AK5: variants seen among roughly 807,000 people sequenced by gnomAD.
AK5 encodes adenylate kinase 5.
In AK5, 27 loss-of-function variants were observed where a neutral mutation model predicts 69.5. The ratio of observed to expected loss-of-function variants is 0.39; its 90% CI spans 0.29 to 0.54. The LOEUF is 0.54. Among genes scored for constraint, AK5 ranks in the 20% least tolerant of loss-of-function variants. The pLI is 0.71. For synonymous variants in AK5, 260 were observed against 244.4 expected (o/e 1.06, Z -0.60); for missense variants, 531 against 700.4 (o/e 0.76, Z 2.73).
At chr1:77,333,238 CT>C (rs1661180680) in intron 5 of AK5, among the ~76,000 whole-genome samples, 2 of 152,310 alleles carry the variant, frequency 1.3e-5, no homozygotes, top group African/African-American at 4.8e-5. Flanking sequence ...CTCATAACCT[CT>C]GAGTCCACCT....
At chr1:77,441,159 G>T (rs1004420186) in intron 8 of AK5, among the ~76,000 whole-genome samples, 1 of 152,072 alleles carries the variant, frequency 6.6e-6, no homozygotes, top group African/African-American at 2.4e-5. Context: ...TTTTTTAAAT[G>T]ATATCTCTGT....
intron 10 of AK5, among the ~76,000 whole-genome samples, chr1:77,492,516 G>A (rs1348405215): frequency 6.6e-6 from 1 of 152,180 alleles, no homozygotes; most frequent in Non-Finnish European, 1.5e-5. Flanking sequence ...GTTGGGGTGG[G>A]TGTGTTGAGC....
intron 10 of AK5, among the ~76,000 whole-genome samples, chr1:77,505,076 C>T (rs1486888682): frequency 3.3e-5 from 5 of 152,136 alleles, no homozygotes; most frequent in African/African-American, 1.2e-4. Flanking sequence ...CCCTTCAAAA[C>T]AGTTGTGCCC....
intron 10 of AK5, among the ~76,000 whole-genome samples, chr1:77,510,413 A>G (rs1009058109): frequency 6.6e-6 from 1 of 152,184 alleles, no homozygotes; most frequent in African/African-American, 2.4e-5. Context: ...CTGTTGAACT[A>G]TAAAAGAGCA....
intron 13 of AK5, among the ~76,000 whole-genome samples, chr1:77,540,895 G>GT (rs1266455697): frequency 2.9e-4 from 44 of 151,414 alleles, no homozygotes; most frequent in African/African-American, 6.3e-4. Context: ...GAGCTTAGGA[G>GT]TTTTTTTTTG....
chr1:77,519,299 G>A (rs913786501), intron 11 of AK5, among the ~76,000 whole-genome samples: 2 of 152,150 alleles, frequency 1.3e-5, no homozygotes, highest in African/African-American at 4.8e-5. Flanking sequence ...TACAGTCTCT[G>A]TTAGCAACAG....
At chr1:77,416,693 C>T (rs1479054642) in intron 7 of AK5, among the ~76,000 whole-genome samples, 8 of 152,180 alleles carry the variant, frequency 5.3e-5, no homozygotes, top group Admixed American at 3.3e-4. Flanking sequence ...AAAGCAACAT[C>T]GGGGACAGGT....
At chr1:77,522,955 A>C (rs1658078121) in intron 12 of AK5, among the ~76,000 whole-genome samples, 1 of 152,134 alleles carries the variant, frequency 6.6e-6, no homozygotes, top group Non-Finnish European at 1.5e-5. Context: ...TGATGAGTGA[A>C]GCCCAGAAAG....
chr1:77,440,060 A>C (rs1652226916), intron 8 of AK5, among the ~76,000 whole-genome samples: 1 of 152,058 alleles, frequency 6.6e-6, no homozygotes, highest in Non-Finnish European at 1.5e-5. Flanking sequence ...TGGTGTATCT[A>C]TTCCACCAGT....
intron 6 of AK5, among the ~76,000 whole-genome samples, chr1:77,350,721 G>A (rs1169604336): frequency 2.0e-5 from 3 of 152,190 alleles, no homozygotes; most frequent in Non-Finnish European, 2.9e-5. Flanking sequence ...CATCATAGGC[G>A]TAACATACAT....
intron 8 of AK5, among the ~76,000 whole-genome samples, chr1:77,423,152 T>C (rs528736329): frequency 9.5e-4 from 127 of 134,316 alleles, no homozygotes; most frequent in African/African-American, 3.3e-3. Flanking sequence ...ACCCGGGAGG[T>C]GGAGCTTACA....
At chr1:77,343,431 G>T (rs1661759098) in intron 6 of AK5, among the ~76,000 whole-genome samples, 1 of 152,180 alleles carries the variant, frequency 6.6e-6, no homozygotes, top group Admixed American at 6.5e-5. Context: ...TCTAGGACTT[G>T]ATCTCTCTAT....
intron 6 of AK5, among the ~76,000 whole-genome samples, chr1:77,399,393 C>T (rs1220400148): frequency 2.0e-5 from 3 of 152,142 alleles, no homozygotes; most frequent in Admixed American, 6.5e-5. Flanking sequence ...GGCCTGAAAC[C>T]GAGCCTCTCC....
intron 11 of AK5, among the ~76,000 whole-genome samples, chr1:77,520,230 C>G (rs1198009582): frequency 6.7e-6 from 1 of 150,220 alleles, no homozygotes; most frequent in Non-Finnish European, 1.5e-5. Context: ...AAGAGAATAC[C>G]TTAACCTTCT....
intron 6 of AK5, among the ~76,000 whole-genome samples, chr1:77,393,549 T>G (rs1026471371): frequency 2.0e-5 from 3 of 152,228 alleles, no homozygotes; most frequent in African/African-American, 7.2e-5. Flanking sequence ...CATTTTGGAC[T>G]TAAAAGAATT....
chr1:77,462,787 A>G (rs1351906154), intron 8 of AK5, among the ~76,000 whole-genome samples: 1 of 152,212 alleles, frequency 6.6e-6, no homozygotes, highest in Non-Finnish European at 1.5e-5. Context: ...ACTTTAAAAC[A>G]ATAAAACCGA....
chr1:77,319,766 G>T (rs1660426636), intron 5 of AK5, among the ~76,000 whole-genome samples: 1 of 152,092 alleles, frequency 6.6e-6, no homozygotes, highest in South Asian at 2.1e-4. Flanking sequence ...AATTAAACTG[G>T]CTGTCATATA....
At chr1:77,389,298 C>T (rs1020840923) in intron 6 of AK5, among the ~76,000 whole-genome samples, 4 of 152,138 alleles carry the variant, frequency 2.6e-5, no homozygotes, top group Admixed American at 6.5e-5. Flanking sequence ...CATTTTCAAA[C>T]GTGTAGTTAA....
chr1:77,449,401 T>C (rs1557601801), intron 8 of AK5, among the ~76,000 whole-genome samples: 3 of 152,138 alleles, frequency 2.0e-5, no homozygotes, highest in Non-Finnish European at 4.4e-5. Flanking sequence ...AGCCCCTTCA[T>C]TTTGGCCAAT....
Sources: gnomAD v4.1 joint callset for allele counts (sites outside exome capture counted in the v4.1 genomes callset) on GRCh38, gnomAD v4.1.1 for gene constraint, MANE v1.5 for transcripts, NCBI Gene and HGNC (gene_info 2026-07-23, HGNC 2026-07-21) for gene names.